Variants in SACS observed in about 807,000 individuals in gnomAD.
SACS encodes sacsin.
Under a neutral mutation model 348.0 loss-of-function variants are expected in SACS, and 197 were observed. The ratio of observed to expected loss-of-function variants is 0.57; its 90% CI spans 0.50 to 0.64. The LOEUF (loss-of-function observed/expected upper bound fraction) is 0.64. SACS is among the 30% of genes least tolerant of loss of function. SACS has a pLI of 0.00. For missense variants in SACS, 4,999 were observed against 5,360.8 expected, an observed-to-expected ratio of 0.93 and a Z score of 2.11; for synonymous variants, 1,985 against 1,910.6, an observed-to-expected ratio of 1.04 and a Z score of -1.02.
At chr13:23,346,694 G>GA (rs1052380243) in intron 9 of SACS, 31 of 263,166 alleles carry the variant, frequency 1.2e-4, no homozygotes, top group Admixed American at 3.3e-4. Flanking sequence ...ATTACCACCA[G>GA]AAAAAAAATT....
At chr13:23,375,990 G>C (rs140863648) in intron 2 of SACS, among the ~76,000 whole-genome samples, 1 of 152,066 alleles carries the variant, frequency 6.6e-6, no homozygotes, top group Non-Finnish European at 1.5e-5. Context: ...AGTGGCCTCC[G>C]AGAAGGGAAC....
intron 2 of SACS, among the ~76,000 whole-genome samples, chr13:23,376,734 G>A (rs1871822394): frequency 6.6e-6 from 1 of 152,164 alleles, no homozygotes; most frequent in Non-Finnish European, 1.5e-5. Context: ...ATAAAGACAA[G>A]GCCAGAAAGC....
Position 23,355,040 on chromosome 13 carries a change from G to A in SACS, c.1572C>T (p.Phe524=). ...TATAGATAACATCAACTGACAAGGGGAAATCAGAGCTCTTTTCCATCTCCA... is the reference window on the plus strand; with the variant it reads ...TATAGATAACATCAACTGACAAGGGAAAATCAGAGCTCTTTTCCATCTCCA... ...KRLEMEKSSD[F]PLSVDVIYKL... The change falls in exon 8 of 10, where the codon TTC becomes TTT. Residue 524 remains phenylalanine (F), a synonymous_variant. Coordinates refer to ENST00000382292, the MANE Select transcript of SACS (RefSeq NM_014363.6). 2 of 1,614,248 alleles carry A rather than the reference G, an allele frequency of 1.2e-6. No homozygotes were observed. The highest frequency in any genetic ancestry group is 1.7e-6 in the Non-Finnish European group (2 of 1,180,050).
At chr13:23,382,278 C>G (rs572596897) in intron 2 of SACS, among the ~76,000 whole-genome samples, 1 of 152,056 alleles carries the variant, frequency 6.6e-6, no homozygotes, top group South Asian at 2.1e-4. Flanking sequence ...CTTAGCCTCC[C>G]GGGTAGCTGG....
intron 9 of SACS, among the ~76,000 whole-genome samples, chr13:23,344,897 T>A (rs1416484410): frequency 6.6e-6 from 1 of 152,234 alleles, no homozygotes; most frequent in African/African-American, 2.4e-5. Flanking sequence ...ACTCAAAGAC[T>A]GCACTATTTT....
Position 23,333,298 on chromosome 13 carries a change from T to C in SACS, c.10578A>G (p.Ile3526Met), listed in dbSNP as rs775303461. The C allele has an allele frequency of 6.2e-7, 1 of 1,605,460 alleles. No homozygotes were observed. The highest frequency in any genetic ancestry group is 1.1e-5 in the South Asian group (1 of 88,384). The change falls in exon 10 of 10, where the codon ATA (isoleucine) becomes ATG (methionine). Residue 3526 changes from isoleucine to methionine, a missense_variant. Ile to Met is a conservative substitution (Grantham distance 10). Transcript: ENST00000382292. ...QLFEKLESLL[I>M]IHDANSRLKQ... ...TTAGTCTACTGTTAGCATCATGGAT[T>C]ATCAATAAACTTTCCAGTTTTTCAA...
At chr13:23,369,267 T>C (rs1480134231) in intron 4 of SACS, among the ~76,000 whole-genome samples, 2 of 152,180 alleles carry the variant, frequency 1.3e-5, no homozygotes, top group Non-Finnish European at 2.9e-5. Flanking sequence ...TCAATGGCTG[T>C]CCACTTCAAG....
chr13:23,368,593 T>C, intron 4 of SACS, 106 bp from the exon 5 acceptor site: 1 of 788,770 alleles, frequency 1.3e-6, no homozygotes, highest in Non-Finnish European at 2.2e-6. Flanking sequence ...AAGTTATGGT[T>C]GCATATATCT....
At position 23,355,203 on chromosome 13, in the gene SACS, A is replaced by G. The variant is rs770421647; in HGVS notation, c.1409T>C (p.Leu470Pro). ...LPVHISGFFGLTDNRRSIKWR... is the reference protein window; with the variant it reads ...LPVHISGFFGPTDNRRSIKWR... ...TTTTATGCTCCTGCGGTTATCAGTA[A>G]GGCCAAAGAACCCACTGATGTGAAC... The change falls in exon 8 of 10, where the codon CTT (leucine) becomes CCT (proline). Residue 470 changes from leucine to proline, a missense_variant. By Grantham distance (98) the Leu-to-Pro change is moderately conservative. Transcript: ENST00000382292. 1 of 1,614,172 alleles carries G rather than the reference A, an allele frequency of 6.2e-7. No homozygotes were observed. The highest frequency in any genetic ancestry group is 1.7e-5 in the Admixed American group (1 of 60,022).
chr13:23,362,251 T>G lies in SACS; in HGVS notation c.457+2915A>C, dbSNP rs149253755. Among the ~76,000 whole-genome samples, 1,303 of 152,310 alleles carry G rather than the reference T, an allele frequency of 8.6e-3. 5 individuals are homozygous for G. Among genetic ancestry groups the G allele is most frequent in the Non-Finnish European group, 0.014 (951 of 68,020 alleles). ...AGGGACTCTCCGTGCTTCCTTCCCC[T>G]GTGTCTTATAATCAGCTGTATCCTT... is the stretch of plus-strand genomic sequence containing the variant. On this transcript the variant is annotated intron_variant, in intron 6 of 9. Coordinates refer to ENST00000382292, the MANE Select transcript of SACS (RefSeq NM_014363.6).
At chr13:23,354,293 A>T (rs1393422427) in intron 8 of SACS, among the ~76,000 whole-genome samples, 1 of 152,208 alleles carries the variant, frequency 6.6e-6, no homozygotes, top group African/African-American at 2.4e-5. Context: ...TTTCCAAGAA[A>T]AACAGCTGCT....
chr13:23,336,687 C>G lies in SACS; in HGVS notation c.7189G>C (p.Val2397Leu), dbSNP rs370362452. ...TCCAAAACAAGAGCAAAATCTTCAA[C>G]AGTGCATGACTGCCTCACACCCACG... ...ETVGVRQSCT[V>L]EDFALVLESI... The change falls in exon 10 of 10, where the codon GTT (valine) becomes CTT (leucine). Residue 2397 changes from valine to leucine, a missense_variant. Physicochemically the swap from Val to Leu is conservative, Grantham distance 32. Around this residue, in one of 6 missense-constraint regions of SACS, gnomAD observed 3,156 missense variants for 3,380.1 expected, o/e 0.93. Coordinates refer to ENST00000382292, the MANE Select transcript of SACS (RefSeq NM_014363.6). 13 of 1,613,776 alleles carry G rather than the reference C, an allele frequency of 8.1e-6. No homozygotes were observed. The highest frequency in any genetic ancestry group is 1.1e-5 in the Non-Finnish European group (13 of 1,179,892).
At chr13:23,365,355 T>G (rs1340451223) in intron 5 of SACS, 78 bp from the exon 6 acceptor site, 8 of 848,786 alleles carry the variant, frequency 9.4e-6, no homozygotes, top group Non-Finnish European at 1.5e-5. Context: ...ATCTATAATA[T>G]TTAAGAAGTT....
intron 2 of SACS, among the ~76,000 whole-genome samples, chr13:23,406,092 T>C (rs2137944115): frequency 6.6e-6 from 1 of 152,338 alleles, no homozygotes; most frequent in South Asian, 2.1e-4. Context: ...GTATGTTTAT[T>C]GCAGCTCTGT....
At chr13:23,380,148 TGAGA>T (rs1555257299) in intron 2 of SACS, among the ~76,000 whole-genome samples, 6 of 147,774 alleles carry the variant, frequency 4.1e-5, no homozygotes, top group East Asian at 4.0e-4. Context: ...TGTGTGTGTG[TGAGA>T]GAGAGAGAGA....
intron 6 of SACS, among the ~76,000 whole-genome samples, chr13:23,364,585 G>C (rs1189711840): frequency 6.6e-6 from 1 of 152,192 alleles, no homozygotes; most frequent in Non-Finnish European, 1.5e-5. Flanking sequence ...CCAGCCAGAG[G>C]TATACTACAA....
intron 1 of SACS, among the ~76,000 whole-genome samples, chr13:23,429,889 A>G (rs9580621): frequency 0.091 from 13,874 of 151,990 alleles, 846 homozygotes; most frequent in African/African-American, 0.16. Flanking sequence ...TGTAATCAGG[A>G]TTGTCTCTGG....
intron 2 of SACS, among the ~76,000 whole-genome samples, chr13:23,397,523 A>G (rs1308461498): frequency 6.6e-6 from 1 of 152,206 alleles, no homozygotes; most frequent in African/African-American, 2.4e-5. Context: ...TCTTAGTAAC[A>G]TATTTTAAAA....
At chr13:23,359,284 C>T (rs1870589054) in intron 6 of SACS, among the ~76,000 whole-genome samples, 1 of 152,096 alleles carries the variant, frequency 6.6e-6, no homozygotes, top group East Asian at 1.9e-4. Context: ...TTTTACTATA[C>T]ACACACACAT....
Sources: gnomAD v4.1 joint callset for allele counts (sites outside exome capture counted in the v4.1 genomes callset) on GRCh38, gnomAD v4.1.1 for gene constraint, gnomAD v4.1.1 regional missense constraint, MANE v1.5 for transcripts, NCBI Gene and HGNC (gene_info 2026-07-23, HGNC 2026-07-21) for gene names.